CFAP20DC: variants seen among roughly 807,000 people sequenced by gnomAD.
The protein encoded by CFAP20DC is protein CFAP20DC.
CFAP20DC carries 84 observed loss-of-function variants against 101.7 expected under a neutral mutation model. The ratio of observed to expected loss-of-function variants is 0.83; its 90% CI spans 0.69 to 0.99. CFAP20DC has a LOEUF of 0.99. CFAP20DC is among the 50% of genes least tolerant of loss of function. The pLI is 0.00. For missense variants in CFAP20DC, 1,007 were observed against 970.3 expected (o/e 1.04, Z -0.50); for synonymous variants, 359 against 351.2 (o/e 1.02, Z -0.25).
intron 5 of CFAP20DC, among the ~76,000 whole-genome samples, chr3:58,931,535 G>A (rs1357107168): frequency 1.3e-5 from 2 of 151,640 alleles, no homozygotes; most frequent in African/African-American, 2.4e-5. Context: ...AGTAGGGGCA[G>A]ACTGACACTT....
chr3:58,756,298 G>A (rs897177035), intron 15 of CFAP20DC, among the ~76,000 whole-genome samples: 3 of 152,006 alleles, frequency 2.0e-5, no homozygotes, highest in Non-Finnish European at 2.9e-5. Flanking sequence ...GGAAGTTACC[G>A]AAAGTAGCTT....
At chr3:58,961,583 C>T (rs757015979) in intron 4 of CFAP20DC, among the ~76,000 whole-genome samples, 5 of 151,952 alleles carry the variant, frequency 3.3e-5, no homozygotes, top group African/African-American at 4.8e-5. Context: ...AAAAACTGTG[C>T]CTGTCCTTTT....
intron 15 of CFAP20DC, among the ~76,000 whole-genome samples, chr3:58,768,654 C>A (rs192042263): frequency 6.6e-6 from 1 of 152,158 alleles, no homozygotes; most frequent in African/African-American, 2.4e-5. Flanking sequence ...TTTGTTTTTA[C>A]GGTAAAATCC....
chr3:58,901,378 C>T (rs2083130942), intron 6 of CFAP20DC, among the ~76,000 whole-genome samples: 1 of 152,170 alleles, frequency 6.6e-6, no homozygotes, highest in African/African-American at 2.4e-5. Context: ...CATATTCTGG[C>T]TCCACCACTT....
chr3:58,992,555 T>C (rs1236134916), intron 4 of CFAP20DC: 14 of 984,914 alleles, frequency 1.4e-5, no homozygotes, highest in South Asian at 1.4e-4. Context: ...CTAATCTCAT[T>C]TGAATTGTCA....
downstream of CFAP20DC, chr3:58,737,195 T>C (rs763604979): frequency 2.2e-6 from 1 of 456,494 alleles, no homozygotes; most frequent in Non-Finnish European, 4.4e-6. The surrounding 1 kb of genome is among the most constrained non-coding windows in gnomAD (Gnocchi z 4.1). Flanking sequence ...AATCATCTTG[T>C]TACAGCCTGG....
chr3:58,716,185 C>T (rs545769907), downstream of CFAP20DC, among the ~76,000 whole-genome samples: 7 of 112,228 alleles, frequency 6.2e-5, no homozygotes, highest in South Asian at 6.1e-4. Context: ...GACGGAGTCT[C>T]GCTCTGTCGC....
chr3:58,738,169 T>C (rs10452041), downstream of CFAP20DC, among the ~76,000 whole-genome samples: 6,931 of 152,178 alleles, frequency 0.046, 515 homozygotes, highest in African/African-American at 0.16. The surrounding 1 kb of genome is among the most constrained non-coding windows in gnomAD (Gnocchi z 4.4). Flanking sequence ...GAACAGGTGA[T>C]AACAGGCAAT....
At chr3:59,030,502 G>C (rs953097797) in intron 4 of CFAP20DC, among the ~76,000 whole-genome samples, 1 of 152,156 alleles carries the variant, frequency 6.6e-6, no homozygotes, top group Non-Finnish European at 1.5e-5. Flanking sequence ...TAATAATTTT[G>C]ATCTTTAATC....
chr3:58,915,767 T>G (rs1289591193), intron 5 of CFAP20DC, among the ~76,000 whole-genome samples: 1 of 152,170 alleles, frequency 6.6e-6, no homozygotes, highest in Non-Finnish European at 1.5e-5. Context: ...CACCAAAAGT[T>G]TGATACGAAA....
chr3:59,028,276 A>C (rs1454404479), intron 4 of CFAP20DC, among the ~76,000 whole-genome samples: 1 of 152,348 alleles, frequency 6.6e-6, no homozygotes, highest in East Asian at 1.9e-4. Flanking sequence ...TTCATTTAAA[A>C]AAGTCTAAAA....
At chr3:58,870,768 G>A (rs1321263632) in intron 7 of CFAP20DC, among the ~76,000 whole-genome samples, 1 of 148,074 alleles carries the variant, frequency 6.8e-6, no homozygotes, top group Non-Finnish European at 1.5e-5. Context: ...GGCGCCTGTA[G>A]TCCCAGCTAC....
downstream of CFAP20DC, among the ~76,000 whole-genome samples, chr3:58,716,246 C>CCG (rs2067397388): frequency 6.8e-6 from 1 of 148,028 alleles, no homozygotes; most frequent in Admixed American, 6.9e-5. Context: ...ACTGCAAGCT[C>CCG]CGCTTCCCGG....
rs563278885 is a variant in CFAP20DC at position 58,765,296 on chromosome 3, G to A, written c.2238-11433C>T. On this transcript the variant is annotated intron_variant, in intron 15 of 16. Coordinates refer to ENST00000482387, the MANE Select transcript of CFAP20DC (RefSeq NM_001394063.1). ...TATATACATCTACACACACACACACGCACACACATATACACATAACATTAT... is the reference window on the plus strand; with the variant it reads ...TATATACATCTACACACACACACACACACACACATATACACATAACATTAT... Among the ~76,000 whole-genome samples the A allele has an allele frequency of 5.3e-4, 80 of 150,998 alleles. 1 individual carries two copies. The highest frequency in any genetic ancestry group is 1.9e-3 in the South Asian group (9 of 4,768).
Position 58,722,422 on chromosome 3 carries a change from T to A in CFAP20DC, c.198-4794A>T, listed in dbSNP as rs965057646. ...GGGACGCATGTTAAAGGAGCCATGA[T>A]AGGCAATTTTGCCCAGAGCAGCAGG... On this transcript the variant is annotated intron_variant, in intron 3 of 3. Coordinates refer to the CFAP20DC transcript ENST00000486145. The surrounding 1 kb of genome is among the most constrained non-coding windows in gnomAD (Gnocchi z 4.5). 6.6e-6 allele frequency among the ~76,000 whole-genome samples: 1 copy of A among 152,316 alleles called. No individual in the cohort carries two copies. The highest frequency in any genetic ancestry group is 2.4e-5 in the African/African-American group (1 of 41,574).
chr3:58,856,124 A>G (rs897128387), intron 12 of CFAP20DC, among the ~76,000 whole-genome samples: 27 of 152,056 alleles, frequency 1.8e-4, no homozygotes, highest in Non-Finnish European at 2.8e-4. Context: ...TAATACTAAA[A>G]AAAAACCCCT....
Position 58,861,682 on chromosome 3 carries a change from A to G in CFAP20DC, c.1593+1876T>C. 2.0e-6 allele frequency: 2 copies of G among 985,378 alleles called. No individual in the cohort carries two copies. The highest frequency in any genetic ancestry group is 9.4e-5 in the South Asian group (2 of 21,278). The allele number at this position is 985,378 out of a possible 1,614,324, so 61.0% of individuals were successfully genotyped here. A position where few individuals can be genotyped will look rare whatever the true frequency, so the allele number is the denominator to read the frequency against. Reference sequence around the variant, plus strand: ...CTGTACCAGCAAACCCCAAAGCTTGATAATGTGGCAGGTGTTTCCCCTCTC... The same window carrying G: ...CTGTACCAGCAAACCCCAAAGCTTGGTAATGTGGCAGGTGTTTCCCCTCTC... On this transcript the variant is annotated intron_variant, in intron 12 of 16. Coordinates refer to ENST00000482387, the MANE Select transcript of CFAP20DC (RefSeq NM_001394063.1). This position sits in a 1 kb window ranked among gnomAD's most constrained non-coding sequence, Gnocchi z 4.0.
intron 5 of CFAP20DC, among the ~76,000 whole-genome samples, chr3:58,929,900 C>G (rs1316571624): frequency 6.6e-6 from 1 of 152,142 alleles, no homozygotes; most frequent in Admixed American, 6.5e-5. Context: ...ACTGTTCTCC[C>G]TTGTTGGAAC....
At chr3:59,026,592 A>G (rs1186643969) in intron 4 of CFAP20DC, among the ~76,000 whole-genome samples, 1 of 152,186 alleles carries the variant, frequency 6.6e-6, no homozygotes, top group Non-Finnish European at 1.5e-5. Context: ...AAATTTAGGT[A>G]TGCTCTCAAC....
Sources: gnomAD v4.1 joint callset for allele counts (sites outside exome capture counted in the v4.1 genomes callset) on GRCh38, gnomAD v4.1.1 for gene constraint, Gnocchi (gnomAD v3.1) non-coding constraint, MANE v1.5 for transcripts, NCBI Gene and HGNC (gene_info 2026-07-23, HGNC 2026-07-21) for gene names.